Variants in MTUS2 observed in about 807,000 individuals in gnomAD.
The protein encoded by MTUS2 is microtubule associated scaffold protein 2, also known as microtubule-associated tumor suppressor candidate 2.
In MTUS2, 40 loss-of-function variants were observed where a neutral mutation model predicts 114.1. The ratio of observed to expected loss-of-function variants is 0.35; its 90% CI spans 0.27 to 0.46. The LOEUF is 0.46. MTUS2 is among the 20% of genes least tolerant of loss of function. MTUS2 has a pLI of 1.00. For synonymous variants in MTUS2, 688 were observed against 672.0 expected, an observed-to-expected ratio of 1.02 and a Z score of -0.37; for missense variants, 1,679 against 1,705.4, an observed-to-expected ratio of 0.98 and a Z score of 0.27.
intron 6 of MTUS2, among the ~76,000 whole-genome samples, chr13:29,289,858 A>T (rs1898635744): frequency 6.6e-6 from 1 of 152,324 alleles, no homozygotes; most frequent in Non-Finnish European, 1.5e-5. Flanking sequence ...CCAGTCTCTC[A>T]TAGGCAGAAG....
chr13:28,851,173 T>C (rs1262969624), intron 2 of MTUS2, among the ~76,000 whole-genome samples: 5 of 152,210 alleles, frequency 3.3e-5, no homozygotes, highest in African/African-American at 1.2e-4. Flanking sequence ...TTTACTTATG[T>C]TGGTATAGGA....
At chr13:28,995,118 T>C (rs902010686) in intron 2 of MTUS2, among the ~76,000 whole-genome samples, 1 of 152,248 alleles carries the variant, frequency 6.6e-6, no homozygotes, top group Non-Finnish European at 1.5e-5. Context: ...TTTCTACATA[T>C]GGCTAGCCAG....
At chr13:29,257,206 T>G (rs1489216542) in intron 5 of MTUS2, among the ~76,000 whole-genome samples, 1 of 152,180 alleles carries the variant, frequency 6.6e-6, no homozygotes, top group Non-Finnish European at 1.5e-5. Context: ...CTTTCCAAAA[T>G]GTACACATAA....
At chr13:29,375,604 TA>T (rs1871625686) in intron 8 of MTUS2, among the ~76,000 whole-genome samples, 1 of 4,948 alleles carries the variant, frequency 2.0e-4, no homozygotes, top group Non-Finnish European at 5.5e-4. Context: ...TATATATATA[TA>T]TACGTATATA....
intron 5 of MTUS2, among the ~76,000 whole-genome samples, chr13:29,223,348 G>A (rs1293880869): frequency 6.6e-6 from 1 of 152,066 alleles, no homozygotes; most frequent in East Asian, 1.9e-4. Context: ...CCCACTGTGG[G>A]CCTCCTCTTT....
intron 5 of MTUS2, among the ~76,000 whole-genome samples, chr13:29,223,734 G>A (rs925174443): frequency 1.3e-5 from 2 of 152,212 alleles, no homozygotes; most frequent in African/African-American, 4.8e-5. Flanking sequence ...CCATGTTGGA[G>A]GTGATGAGAA....
rs1180209826 is a variant in MTUS2 at position 29,252,806 on chromosome 13, G to A, written c.2645-28898G>A. Among the ~76,000 whole-genome samples, 7 of 151,886 alleles carry A rather than the reference G, an allele frequency of 4.6e-5. No individual in the cohort carries two copies. The East Asian group carries it at 1.4e-3, about 29-fold the overall frequency. On this transcript the variant is annotated intron_variant, in intron 5 of 15. Transcript: ENST00000612955. ...TATAAGGGGTTTCCCCTTTCACTTG[G>A]CCCTCATTCTCTCTTGTCTACCACC...
intron 5 of MTUS2, among the ~76,000 whole-genome samples, chr13:29,114,341 T>C (rs1593491073): frequency 6.6e-6 from 1 of 152,306 alleles, no homozygotes; most frequent in South Asian, 2.1e-4. Context: ...CCCACTTGTT[T>C]ATTTTACAAG....
intron 2 of MTUS2, among the ~76,000 whole-genome samples, chr13:28,882,419 C>T (rs533897492): frequency 1.2e-4 from 18 of 152,180 alleles, no homozygotes; most frequent in African/African-American, 4.3e-4. Flanking sequence ...GAAAGCATGG[C>T]CCATAAAGGA....
At chr13:29,410,373 C>T (rs551976271) in intron 8 of MTUS2, among the ~76,000 whole-genome samples, 19 of 152,172 alleles carry the variant, frequency 1.2e-4, no homozygotes, top group African/African-American at 3.9e-4. Context: ...GTGATCCGCC[C>T]GCCTCGGCCT....
In MTUS2 at chr13:29,331,285, G is replaced by A. The variant is rs567020458; in HGVS notation, c.2905+6574G>A. 8.6e-4 allele frequency among the ~76,000 whole-genome samples: 131 copies of A among 152,252 alleles called. 1 individual carries two copies. The highest frequency in any genetic ancestry group is 2.8e-3 in the African/African-American group (118 of 41,562). ...TGCTTGTGATTTTTGCACATTGATT[G>A]TGTATCCTGAGACTTTGGTGAAGTT... On this transcript the variant is annotated intron_variant, in intron 7 of 15. Coordinates refer to ENST00000612955, the MANE Select transcript of MTUS2 (RefSeq NM_001033602.4).
chr13:29,024,957 GGCTCTCAGGCTGGCTCTGCC>G lies in MTUS2; in HGVS notation c.260_279del (p.Gly87GlufsTer6). 1 of 1,613,638 alleles carries G rather than the reference GGCTCTCAGGCTGGCTCTGCC, an allele frequency of 6.2e-7. No homozygotes were observed. The highest frequency in any genetic ancestry group is 1.3e-5 in the African/African-American group (1 of 75,018). ...TCACCAACTTCAGGGCTTTGGGAAA[GGCTCTCAGGCTGGCTCTGCC>G]AGCCTGAAAGATTTTAGACTTTCTT... On this transcript the variant is annotated frameshift_variant, in exon 3 of 16. Transcript: ENST00000612955. LOFTEE classifies it high-confidence loss of function.
In MTUS2 at chr13:29,502,924, C is replaced by T. The variant is rs116055262; in HGVS notation, c.3897-69C>T. Reference sequence around the variant, plus strand: ...ATGGCCTCCTCCCTTTGCCCTGCACCATTGTCCTGACCTCAGGTTCAGTGT... The same window carrying T: ...ATGGCCTCCTCCCTTTGCCCTGCACTATTGTCCTGACCTCAGGTTCAGTGT... On this transcript the variant is annotated intron_variant, in intron 15 of 15. Transcript: ENST00000612955. 1.0e-3 allele frequency: 1,540 copies of T among 1,506,818 alleles called. 6 individuals are homozygous for T. Among genetic ancestry groups the T allele is most frequent in the African/African-American group, 8.3e-3 (606 of 72,944 alleles). The allele number at this position is 1,506,818 out of a possible 1,614,324, so 93.3% of individuals were successfully genotyped here. A position where few individuals can be genotyped will look rare whatever the true frequency, so the allele number is the denominator to read the frequency against.
At chr13:29,177,148 A>G (rs1893807969) in intron 5 of MTUS2, among the ~76,000 whole-genome samples, 1 of 151,054 alleles carries the variant, frequency 6.6e-6, no homozygotes, top group Non-Finnish European at 1.5e-5. Flanking sequence ...CTTTTAGCCT[A>G]AGATCTTACA....
chr13:29,463,810 C>A (rs2138804690), intron 9 of MTUS2, among the ~76,000 whole-genome samples: 1 of 152,298 alleles, frequency 6.6e-6, no homozygotes, highest in East Asian at 1.9e-4. Context: ...ACCAGCCTGG[C>A]CAACATGGCG....
intron 5 of MTUS2, among the ~76,000 whole-genome samples, chr13:29,264,712 G>A (rs1304023001): frequency 6.6e-6 from 1 of 152,208 alleles, no homozygotes; most frequent in Non-Finnish European, 1.5e-5. Context: ...AGCTGTACCT[G>A]GGACCCTTTG....
At chr13:29,121,032 G>T (rs182135416) in intron 5 of MTUS2, among the ~76,000 whole-genome samples, 21 of 152,272 alleles carry the variant, frequency 1.4e-4, no homozygotes, top group African/African-American at 4.8e-4. Context: ...TTGAAATTTT[G>T]CCATCTTCCT....
intron 5 of MTUS2, among the ~76,000 whole-genome samples, chr13:29,142,319 T>C (rs1452461080): frequency 6.6e-6 from 1 of 152,140 alleles, no homozygotes; most frequent in Non-Finnish European, 1.5e-5. Flanking sequence ...ATATTTGGAG[T>C]TGAAGCCCAA....
chr13:29,260,963 C>G (rs922651399), intron 5 of MTUS2, among the ~76,000 whole-genome samples: 2 of 152,020 alleles, frequency 1.3e-5, no homozygotes, highest in Non-Finnish European at 2.9e-5. Flanking sequence ...TTATCTGGTC[C>G]AAGATGTGGG....
Sources: allele counts gnomAD v4.1 joint callset (sites outside exome capture counted in the v4.1 genomes callset), GRCh38; gene constraint gnomAD v4.1.1; transcripts MANE v1.5; gene names NCBI Gene and HGNC (gene_info 2026-07-23, HGNC 2026-07-21).